Variants in KANSL3 observed in about 807,000 individuals in gnomAD.
The protein encoded by KANSL3 is NSL complex protein NSL3.
A neutral mutation model predicts 89.2 loss-of-function variants in KANSL3; 16 were observed. The observed-to-expected ratio is 0.18, with a 90% confidence interval of 0.12 to 0.27. The LOEUF (loss-of-function observed/expected upper bound fraction) is 0.27. Ranked by LOEUF, KANSL3 falls within the 10% of genes least tolerant of loss-of-function variation. The probability of loss-of-function intolerance (pLI) is 1.00; values close to 1 mark genes in which losing one functional copy is unlikely to be tolerated. For missense variants in KANSL3, 879 were observed against 1,110.6 expected, an observed-to-expected ratio of 0.79 and a Z score of 2.96; for synonymous variants, 385 against 419.7, an observed-to-expected ratio of 0.92 and a Z score of 1.01.
chr2:96,600,791 C>T, intron 20 of KANSL3: 2 of 985,388 alleles, frequency 2.0e-6, no homozygotes, highest in Non-Finnish European at 2.4e-6. Flanking sequence ...ATCATGACTT[C>T]CTGGGTGAGA....
chr2:96,615,723 G>A (rs72809810), intron 5 of KANSL3, among the ~76,000 whole-genome samples: 57 of 152,322 alleles, frequency 3.7e-4, no homozygotes, highest in Middle Eastern at 3.4e-3. Context: ...TTCTGTATGA[G>A]AAATTAGAGA....
chr2:96,636,015 C>T (rs1408358675), intron 2 of KANSL3, among the ~76,000 whole-genome samples: 1 of 151,098 alleles, frequency 6.6e-6, no homozygotes, highest in Non-Finnish European at 1.5e-5. Context: ...AAACCACACA[C>T]ACACATTGTG....
intron 14 of KANSL3, 44 bp from the exon 15 acceptor site, chr2:96,605,555 T>C (rs751052011): frequency 2.0e-6 from 3 of 1,527,506 alleles, no homozygotes; most frequent in Non-Finnish European, 2.7e-6. Context: ...ATCCAAAAAA[T>C]CCCAACAGAC....
intron 5 of KANSL3, chr2:96,615,118 A>G (rs936964893): frequency 2.8e-5 from 4 of 144,338 alleles, no homozygotes; most frequent in Non-Finnish European, 4.4e-5. Context: ...CAGTGAGCCA[A>G]GAGTGTGCCA....
chr2:96,596,403 A>T (rs1011571151), intron 20 of KANSL3, among the ~76,000 whole-genome samples: 7 of 152,208 alleles, frequency 4.6e-5, no homozygotes, highest in Non-Finnish European at 7.3e-5. Context: ...TTTTTCAAAC[A>T]TTAGGTGAGC....
At chr2:96,586,844 T>C in the KANSL3 span, among the ~76,000 whole-genome samples, 4 of 152,250 alleles carry the variant, frequency 2.6e-5, no homozygotes, top group African/African-American at 7.2e-5. Flanking sequence ...AATTCCTAAT[T>C]CTAATCTTCC....
chr2:96,613,648 C>T (rs1354890358), intron 5 of KANSL3, 29 bp from the exon 6 acceptor site: 1 of 1,605,936 alleles, frequency 6.2e-7, no homozygotes, highest in Admixed American at 1.7e-5. Context: ...AAAGATGACT[C>T]CAGTGTAAAG....
chr2:96,627,714 G>C (rs2072621713), intron 3 of KANSL3, among the ~76,000 whole-genome samples: 2 of 152,182 alleles, frequency 1.3e-5, no homozygotes, highest in Non-Finnish European at 2.9e-5. Flanking sequence ...AATTTTACAT[G>C]ACTTTATATA....
intron 8 of KANSL3, 42 bp from the exon 9 acceptor site, chr2:96,612,395 A>G: frequency 1.2e-6 from 2 of 1,604,130 alleles, no homozygotes; most frequent in South Asian, 1.1e-5. Flanking sequence ...AGGAGGCCAA[A>G]GATAGGTGCA....
At chr2:96,610,949 A>T in intron 10 of KANSL3, 66 bp from the exon 11 acceptor site, 1 of 1,593,596 alleles carries the variant, frequency 6.3e-7, no homozygotes, top group Non-Finnish European at 8.6e-7. Context: ...CAGAAACTCC[A>T]CTAAGGAGGA....
In KANSL3 at chr2:96,613,581, G is replaced by A. The variant is rs772700851; in HGVS notation, c.702C>T (p.Asn234=). The change falls in exon 6 of 21, where the codon AAC becomes AAT. Residue 234 remains asparagine, a synonymous_variant. Coordinates refer to ENST00000431828, the MANE Select transcript of KANSL3 (RefSeq NM_001115016.3). The part of the protein sequence containing the change: ...TLIDRMLVSS[N]TKTGAAGAEA... ...CAGCTCCTGCAGCCCCAGTCTTTGT[G>A]TTGGATGACACAAGCATCCGGTCAA... The A allele has an allele frequency of 1.2e-6, 2 of 1,613,142 alleles. No individual in the cohort carries two copies. Among genetic ancestry groups the A allele is most frequent in the African/African-American group, 1.3e-5 (1 of 74,766 alleles).
At chr2:96,600,254 A>T (rs1399151243) in intron 20 of KANSL3, 4 of 205,154 alleles carry the variant, frequency 1.9e-5, no homozygotes, top group Non-Finnish European at 3.4e-5. Context: ...TGTGTAGAAA[A>T]AAAAATTTGA....
Position 96,602,196 on chromosome 2 carries a change from T to C in KANSL3, c.2402A>G (p.His801Arg). 1 of 1,606,658 alleles carries C rather than the reference T, an allele frequency of 6.2e-7. No homozygotes were observed. The highest frequency in any genetic ancestry group is 8.5e-7 in the Non-Finnish European group (1 of 1,176,756). Residue 801 changes from histidine to arginine, a missense_variant, in exon 19 of 21, where the codon CAC becomes CGC. His to Arg is a conservative substitution (Grantham distance 29). This residue lies in a region of KANSL3 where 89 missense variants were observed against 139.7 expected (regional missense o/e 0.64). Transcript: ENST00000431828. ...ATPGGKPTAI[H>R]QLLTNGGLAK... ...GAGGCCCCCATTGGTCAGCAGCTGG[T>C]GGATGGCTGTGGGCTTCCCACCAGG...
chr2:96,580,735 CAT>C, the KANSL3 span, among the ~76,000 whole-genome samples: 1 of 152,182 alleles, frequency 6.6e-6, no homozygotes. Context: ...TAAAAAGTGT[CAT>C]GTGTGGAATC....
At position 96,608,505 on chromosome 2, in the gene KANSL3, T is replaced by C; in HGVS notation, c.1741+3A>G. 1 of 1,614,008 alleles carries C rather than the reference T, an allele frequency of 6.2e-7. No homozygotes were observed. Among genetic ancestry groups the C allele is most frequent in the Non-Finnish European group, 8.5e-7 (1 of 1,179,868 alleles). Reference sequence around the variant, plus strand: ...AGAGGAGCCACTGGCCAAGTGCCTATACCTTGAGCTTGTTTGTGGGTCAGC... The same window carrying C: ...AGAGGAGCCACTGGCCAAGTGCCTACACCTTGAGCTTGTTTGTGGGTCAGC... On this transcript the variant is annotated splice_donor_region_variant and intron_variant, in intron 14 of 20. Coordinates refer to ENST00000431828, the MANE Select transcript of KANSL3 (RefSeq NM_001115016.3).
At chr2:96,628,094 G>T in intron 3 of KANSL3, 1 of 1,290,246 alleles carries the variant, frequency 7.8e-7, no homozygotes, top group Non-Finnish European at 1.0e-6. Context: ...ACTGGAGAAA[G>T]ATAAGCCAAA....
chr2:96,616,516 G>A (rs2070142548), intron 5 of KANSL3, among the ~76,000 whole-genome samples: 1 of 152,148 alleles, frequency 6.6e-6, no homozygotes, highest in South Asian at 2.1e-4. Context: ...AAAGTAGCTG[G>A]GTGAAGAGCA....
chr2:96,616,327 A>T (rs756847977), intron 5 of KANSL3, among the ~76,000 whole-genome samples: 1 of 152,218 alleles, frequency 6.6e-6, no homozygotes, highest in African/African-American at 2.4e-5. Flanking sequence ...GAAACCAAAA[A>T]GCCTTGACAC....
downstream of KANSL3, chr2:96,593,064 T>A (rs538983034): frequency 6.0e-6 from 2 of 333,930 alleles, no homozygotes; most frequent in Admixed American, 7.6e-5. Context: ...GAGGTGATGA[T>A]CACTGGCCTT....
Sources: allele counts gnomAD v4.1 joint callset (sites outside exome capture counted in the v4.1 genomes callset), GRCh38; gene constraint gnomAD v4.1.1; regional missense constraint gnomAD v4.1.1; transcripts MANE v1.5; gene names NCBI Gene and HGNC (gene_info 2026-07-23, HGNC 2026-07-21).